The following PRG4 variants were observed in gnomAD, a reference collection of about 807,000 sequenced individuals.
PRG4 encodes the protein articular superficial zone protein.
PRG4 carries 61 observed loss-of-function variants against 91.2 expected under a neutral mutation model. That is an observed-to-expected ratio of 0.67 (90% CI 0.54 to 0.83). PRG4 has a LOEUF of 0.83. PRG4 is among the 40% of genes least tolerant of loss of function. The pLI, the probability that PRG4 is intolerant of heterozygous loss-of-function variation, is 0.00. For missense variants in PRG4, 1,564 were observed against 1,714.2 expected (o/e 0.91, Z 1.55); for synonymous variants, 576 against 614.2 (o/e 0.94, Z 0.92).
chr1:186,301,772 G>A (rs896535071), intron 4 of PRG4, 61 bp downstream of exon 4: 18 of 1,560,832 alleles, frequency 1.2e-5, no homozygotes, highest in Admixed American at 6.7e-5. Context: ...ACCTACCTTA[G>A]CATCACTGAT....
intron 8 of PRG4, among the ~76,000 whole-genome samples, chr1:186,310,161 AAAAAT>A (rs1205331269): frequency 4.6e-5 from 7 of 151,146 alleles, no homozygotes; most frequent in South Asian, 2.1e-4. Context: ...TTAAAATTTA[AAAAAT>A]AAAATAAAAT....
Position 186,307,600 on chromosome 1 carries a change from C to T in PRG4, c.1881C>T (p.Thr627=). The change falls in exon 7 of 13, where the codon ACC becomes ACT. Residue 627 remains threonine, a synonymous_variant. Transcript: ENST00000445192. ...CCACCCCCAAGAAGCTCACGCCCAC[C>T]ACCCCCGAGAAGCTCGCACCCACCA... ...APTTPKKLTP[T]TPEKLAPTTP... 6.3e-7 allele frequency: 1 copy of T among 1,594,144 alleles called. No individual in the cohort carries two copies. The highest frequency in any genetic ancestry group is 8.5e-7 in the Non-Finnish European group (1 of 1,172,614).
rs1656927176 is a variant in PRG4, at chr1:186,308,627, C to T, written c.2908C>T (p.Pro970Ser). Reference protein sequence around the residue: ...VTSTTTQDTTPFKITTLKTTT... With the variant: ...VTSTTTQDTTSFKITTLKTTT... Reference sequence around the variant, plus strand: ...ATCTACCACAACTCAAGATACCACACCATTCAAAATTACTACTCTTAAAAC... The same window carrying T: ...ATCTACCACAACTCAAGATACCACATCATTCAAAATTACTACTCTTAAAAC... Residue 970 changes from proline (P) to serine (S), a missense_variant, in exon 7 of 13, where the codon CCA becomes TCA. Coordinates refer to ENST00000445192, the MANE Select transcript of PRG4 (RefSeq NM_005807.6). The T allele has an allele frequency of 1.2e-6, 2 of 1,612,716 alleles. No homozygotes were observed. Among genetic ancestry groups the T allele is most frequent in the African/African-American group, 1.3e-5 (1 of 74,738 alleles).
intron 2 of PRG4, among the ~76,000 whole-genome samples, chr1:186,298,374 T>G (rs1000369554): frequency 1.3e-5 from 2 of 152,104 alleles, no homozygotes; most frequent in Non-Finnish European, 2.9e-5. Flanking sequence ...AGAGTGAGAC[T>G]CTGTCTCAAA....
rs116725546 is a variant in PRG4 at position 186,310,467 on chromosome 1, G to A, written c.3500-567G>A. Among the ~76,000 whole-genome samples, 732 of 152,188 alleles carry A rather than the reference G, an allele frequency of 4.8e-3. 3 individuals carry two copies. Among genetic ancestry groups the A allele is most frequent in the South Asian group, 0.016 (79 of 4,814 alleles). On this transcript the variant is annotated intron_variant, in intron 8 of 12. Coordinates refer to ENST00000445192, the MANE Select transcript of PRG4 (RefSeq NM_005807.6). ...AAAGAAATTGAGATCTAAAGAGATA[G>A]TGACTGTAAGTCACAAAGCCAAAAG...
Position 186,306,635 on chromosome 1 carries a change from T to G in PRG4, c.916T>G (p.Ser306Ala). 1 of 1,613,554 alleles carries G rather than the reference T, an allele frequency of 6.2e-7. No homozygotes were observed. The highest frequency in any genetic ancestry group is 8.5e-7 in the Non-Finnish European group (1 of 1,179,676). ...AACTGATGGAAAAGAGAAGACTACT[T>G]CCGCTAAAGAGACACAAAGTATAGA... is the stretch of plus-strand genomic sequence containing the variant. ...TSTDGKEKTTSAKETQSIEKT... is the reference protein window; with the variant it reads ...TSTDGKEKTTAAKETQSIEKT... Residue 306 changes from serine (S) to alanine (A), a missense_variant, in exon 7 of 13, where the codon TCC becomes GCC. Around this residue, in one of 3 missense-constraint regions of PRG4, gnomAD observed 437 missense variants for 459.0 expected, o/e 0.95. Transcript: ENST00000445192.
rs1395182094 is a variant in PRG4 at position 186,307,661 on chromosome 1, C to T, written c.1942C>T (p.Leu648Phe). 7.5e-6 allele frequency: 12 copies of T among 1,594,496 alleles called. No individual in the cohort carries two copies. In the Middle Eastern group the frequency reaches 6.1e-4, roughly 81 times the overall value. ...EKPAPTTPEE[L>F]APTTPEEPTP... Reference sequence around the variant, plus strand: ...GCCCGCACCCACCACCCCTGAGGAGCTCGCACCCACCACCCCTGAGGAGCC... The same window carrying T: ...GCCCGCACCCACCACCCCTGAGGAGTTCGCACCCACCACCCCTGAGGAGCC... Residue 648 changes from leucine to phenylalanine, a missense_variant, in exon 7 of 13, where the codon CTC (leucine) becomes TTC (phenylalanine). Around this residue, in one of 3 missense-constraint regions of PRG4, gnomAD observed 1,079 missense variants for 1,162.2 expected, o/e 0.93. Coordinates refer to ENST00000445192, the MANE Select transcript of PRG4 (RefSeq NM_005807.6).
rs879141308 is a variant in PRG4 at position 186,307,978 on chromosome 1, C to T, written c.2259C>T (p.Thr753=). 1.2e-6 allele frequency: 2 copies of T among 1,603,320 alleles called. No individual in the cohort carries two copies. The highest frequency in any genetic ancestry group is 1.4e-5 in the African/African-American group (1 of 71,258). The change falls in exon 7 of 13, where the codon ACC becomes ACT. Residue 753 remains threonine, a synonymous_variant. Transcript: ENST00000445192. The part of the protein sequence containing the change: ...STTSDKPAPT[T]PKGTAPTTPK... ...CCTCTGACAAGCCCGCTCCAACTAC[C>T]CCTAAGGGGACTGCTCCAACTACCC... is the stretch of plus-strand genomic sequence containing the variant.
chr1:186,305,977 A>T (rs538964816), intron 6 of PRG4, among the ~76,000 whole-genome samples: 1 of 152,308 alleles, frequency 6.6e-6, no homozygotes, highest in East Asian at 1.9e-4. Flanking sequence ...CTGGGCACTG[A>T]AGAATAAGAG....
At chr1:186,310,663 TTTTGTA>T (rs1466394313) in intron 8 of PRG4, among the ~76,000 whole-genome samples, 43 of 149,612 alleles carry the variant, frequency 2.9e-4, no homozygotes, top group Admixed American at 1.5e-3. Flanking sequence ...TTGTATTTTT[TTTTGTA>T]TTTTTTTTTT....
At position 186,312,359 on chromosome 1, in the gene PRG4, T is replaced by A; in HGVS notation, c.3978T>A (p.Ala1326=). ...IRIQYSPARL[A]YQDKGVLHNE... is the part of the protein sequence containing the mutation. Reference sequence around the variant, plus strand: ...TTCAATATTCACCTGCCAGACTGGCTTATCAAGACAAAGGTAACATTTTTA... The same window carrying A: ...TTCAATATTCACCTGCCAGACTGGCATATCAAGACAAAGGTAACATTTTTA... Residue 1326 remains alanine (A), a synonymous_variant, in exon 11 of 13, where the codon GCT becomes GCA. Coordinates refer to ENST00000445192, the MANE Select transcript of PRG4 (RefSeq NM_005807.6). 1 of 1,607,326 alleles carries A rather than the reference T, an allele frequency of 6.2e-7. No homozygotes were observed.
intron 7 of PRG4, 46 bp downstream of exon 7, chr1:186,309,186 T>A: frequency 6.4e-7 from 1 of 1,551,962 alleles, no homozygotes; most frequent in Non-Finnish European, 8.8e-7. Flanking sequence ...GTAATGTTAG[T>A]TTACATCTAT....
chr1:186,301,591 G>C lies in PRG4; in HGVS notation c.200-1G>C. Reference sequence around the variant, plus strand: ...GTAACTTCTTGTTTTGCTCTGGGTAGAGCTTTCCTGTAAAGGCCGCTGCTT... The same window carrying C: ...GTAACTTCTTGTTTTGCTCTGGGTACAGCTTTCCTGTAAAGGCCGCTGCTT... On this transcript the variant is annotated splice_acceptor_variant, in intron 3 of 12. Transcript: ENST00000445192. LOFTEE classifies it high-confidence loss of function. The C allele has an allele frequency of 2.5e-6, 4 of 1,613,984 alleles. No individual in the cohort carries two copies. The highest frequency in any genetic ancestry group is 4.5e-5 in the East Asian group (2 of 44,878).
chr1:186,301,549 T>G, intron 3 of PRG4, 43 bp from the exon 4 acceptor site: 1 of 1,612,658 alleles, frequency 6.2e-7, no homozygotes, highest in Non-Finnish European at 8.5e-7. Flanking sequence ...TGGGCCTGGC[T>G]TCACAATGAA....
rs1277443701 is a variant in PRG4 at position 186,312,756 on chromosome 1, A to G, written c.3992-13A>G. On this transcript the variant is annotated splice_polypyrimidine_tract_variant and intron_variant, in intron 11 of 12. Transcript: ENST00000445192. Reference sequence around the variant, plus strand: ...TTTAATCTGGTATCTTTTATTAAACATGCCACTTACAGGTGTCCTTCATAA... The same window carrying G: ...TTTAATCTGGTATCTTTTATTAAACGTGCCACTTACAGGTGTCCTTCATAA... The G allele has an allele frequency of 1.2e-6, 2 of 1,612,162 alleles. No individual in the cohort carries two copies. Among genetic ancestry groups the G allele is most frequent in the Non-Finnish European group, 1.7e-6 (2 of 1,178,300 alleles).
chr1:186,310,958 T>A, intron 8 of PRG4, 76 bp from the exon 9 acceptor site: 6 of 1,514,526 alleles, frequency 4.0e-6, no homozygotes, highest in Non-Finnish European at 5.5e-6. Context: ...GAAAACTACA[T>A]TTTTTTTCAT....
rs774560899 is a variant in PRG4, at chr1:186,312,165, TACATAACA to T, written c.3794-9_3794-2del. The T allele has an allele frequency of 6.2e-7, 1 of 1,612,262 alleles. No individual in the cohort carries two copies. Among genetic ancestry groups the T allele is most frequent in the South Asian group, 1.1e-5 (1 of 91,042 alleles). ...TTTCATTTTCCATGTGATATTCTAA[TACATAACA>T]GGTGGCAGCATTCAGCAGTATATTT... On this transcript the variant is annotated splice_acceptor_variant and splice_polypyrimidine_tract_variant and intron_variant, in intron 10 of 12. Transcript: ENST00000445192. LOFTEE classifies it high-confidence loss of function.
rs139171967 is a variant in PRG4, at chr1:186,296,874, C to A, written c.-2C>A. ...GGGTACCTACGGTACCTGAAAACAACGATGGCATGGAAAACACTTCCCATT... is the reference window on the plus strand; with the variant it reads ...GGGTACCTACGGTACCTGAAAACAAAGATGGCATGGAAAACACTTCCCATT... On this transcript the variant is annotated 5_prime_UTR_variant, in exon 2 of 13. Transcript: ENST00000445192. The A allele has an allele frequency of 6.2e-7, 1 of 1,613,518 alleles. No homozygotes were observed.
At chr1:186,310,197 A>G (rs1038227767) in intron 8 of PRG4, among the ~76,000 whole-genome samples, 1 of 152,018 alleles carries the variant, frequency 6.6e-6, no homozygotes, top group Admixed American at 6.6e-5. Flanking sequence ...TACCAAATGA[A>G]ATGACACCAG....
Sources: gnomAD v4.1 joint callset for allele counts (sites outside exome capture counted in the v4.1 genomes callset) on GRCh38, gnomAD v4.1.1 for gene constraint, gnomAD v4.1.1 regional missense constraint, MANE v1.5 for transcripts, NCBI Gene and HGNC (gene_info 2026-07-23, HGNC 2026-07-21) for gene names.